RHBDL3: variants seen among roughly 807,000 people sequenced by gnomAD.
The protein encoded by RHBDL3 is rhomboid-related protein 3.
A neutral mutation model predicts 48.2 loss-of-function variants in RHBDL3; 28 were observed. That is an observed-to-expected ratio of 0.58 (90% CI 0.43 to 0.80). The LOEUF is 0.80. RHBDL3 is among the 30% of genes least tolerant of loss of function. The pLI, the probability that RHBDL3 is intolerant of heterozygous loss-of-function variation, is 0.00. For synonymous variants in RHBDL3, 208 were observed against 232.3 expected (o/e 0.90, Z 0.95); for missense variants, 464 against 542.7 (o/e 0.85, Z 1.44).
intron 5 of RHBDL3, among the ~76,000 whole-genome samples, chr17:32,295,520 G>T (rs557330998): frequency 5.4e-4 from 83 of 152,354 alleles, no homozygotes; most frequent in African/African-American, 1.9e-3. Context: ...TGAGCCAGGG[G>T]TGACAACAGA....
Position 32,284,766 on chromosome 17 carries a change from T to C in RHBDL3, c.243T>C (p.Leu81=). The part of the protein sequence containing the change: ...DPHKREVLLA[L]ADSHADGQIG... Reference sequence around the variant, plus strand: ...ACAAAAGGGAGGTCCTCCTGGCTCTTGCCGACAGCCACGCGGATGGGCAGA... The same window carrying C: ...ACAAAAGGGAGGTCCTCCTGGCTCTCGCCGACAGCCACGCGGATGGGCAGA... The change falls in exon 3 of 9, where the codon CTT becomes CTC. Residue 81 remains leucine, a synonymous_variant. Transcript: ENST00000269051. 4.5e-5 allele frequency: 73 copies of C among 1,614,098 alleles called. No homozygotes were observed. The highest frequency in any genetic ancestry group is 6.2e-5 in the Non-Finnish European group (73 of 1,180,018).
rs557962433 is a variant in RHBDL3 at position 32,320,991 on chromosome 17, G to A, written c.977G>A (p.Arg326His). ...GAGTTTGGGCGGGCCGTGTGGCTCC[G>A]CTTCCACCCGTCGGCCTATCCCCCG... Reference protein sequence around the residue: ...SMEFGRAVWLRFHPSAYPPCP... With the variant: ...SMEFGRAVWLHFHPSAYPPCP... The change falls in exon 9 of 9, where the codon CGC (arginine) becomes CAC (histidine). Residue 326 changes from arginine to histidine, a missense_variant. Physicochemically the swap from Arg to His is conservative, Grantham distance 29. Coordinates refer to ENST00000269051, the MANE Select transcript of RHBDL3 (RefSeq NM_138328.3). 17 of 1,613,530 alleles carry A rather than the reference G, an allele frequency of 1.1e-5. No individual in the cohort carries two copies. The highest frequency in any genetic ancestry group is 9.3e-5 in the African/African-American group (7 of 75,046).
chr17:32,307,910 G>A (rs1001262674), intron 7 of RHBDL3, among the ~76,000 whole-genome samples: 1 of 151,930 alleles, frequency 6.6e-6, no homozygotes, highest in African/African-American at 2.4e-5. Context: ...TTCCGCCCAA[G>A]ACTTGTATGT....
At chr17:32,280,012 G>C (rs2040004917) in intron 2 of RHBDL3, among the ~76,000 whole-genome samples, 2 of 152,204 alleles carry the variant, frequency 1.3e-5, no homozygotes, top group Admixed American at 6.5e-5. Flanking sequence ...GCTGAGGCCA[G>C]CTGTGACCTA....
At chr17:32,296,775 T>TTTTTA (rs140902896) in intron 5 of RHBDL3, among the ~76,000 whole-genome samples, 4,529 of 141,150 alleles carry the variant, frequency 0.032, 147 homozygotes, top group East Asian at 0.13. Flanking sequence ...CCGTAGCTCT[T>TTTTTA]TTTTATTTTA....
In RHBDL3 at chr17:32,299,357, G is replaced by A. The variant is rs139682649; in HGVS notation, c.781+1153G>A. ...CACCATCTCCTTTGCTCCTGTATGC[G>A]CTGAGGTTAAAATCGTTGGCCACCT... On this transcript the variant is annotated intron_variant, in intron 6 of 8. Coordinates refer to ENST00000269051, the MANE Select transcript of RHBDL3 (RefSeq NM_138328.3). Among the ~76,000 whole-genome samples, 10 of 152,232 alleles carry A rather than the reference G, an allele frequency of 6.6e-5. No homozygotes were observed. In the East Asian group the frequency reaches 1.9e-3, roughly 29 times the overall value.
intron 8 of RHBDL3, among the ~76,000 whole-genome samples, chr17:32,319,080 G>T (rs2041043509): frequency 6.6e-6 from 1 of 151,184 alleles, no homozygotes; most frequent in Non-Finnish European, 1.5e-5. Context: ...CTCTGAGTTT[G>T]TTCGTTTTTG....
At chr17:32,289,960 C>T (rs1040269159) in intron 4 of RHBDL3, among the ~76,000 whole-genome samples, 2 of 152,232 alleles carry the variant, frequency 1.3e-5, no homozygotes, top group African/African-American at 2.4e-5. Context: ...GTTGTTATGG[C>T]TTCATCCAAG....
intron 6 of RHBDL3, among the ~76,000 whole-genome samples, chr17:32,300,618 A>G (rs1311410048): frequency 6.6e-6 from 1 of 152,174 alleles, no homozygotes; most frequent in East Asian, 1.9e-4. Flanking sequence ...TTACTCTCTA[A>G]TTCCTTCCCA....
At chr17:32,295,017 C>A (rs766346644) in intron 5 of RHBDL3, among the ~76,000 whole-genome samples, 2 of 152,172 alleles carry the variant, frequency 1.3e-5, no homozygotes, top group Non-Finnish European at 2.9e-5. Context: ...GGTCCATATC[C>A]CTTGAAGAGC....
intron 4 of RHBDL3, among the ~76,000 whole-genome samples, chr17:32,294,043 G>T (rs1567776354): frequency 1.3e-5 from 2 of 151,072 alleles, no homozygotes; most frequent in Non-Finnish European, 2.9e-5. Context: ...CAGGAGAATC[G>T]CTTGAACCCA....
At chr17:32,296,016 G>A (rs1224243568) in intron 5 of RHBDL3, among the ~76,000 whole-genome samples, 1 of 152,030 alleles carries the variant, frequency 6.6e-6, no homozygotes, top group Admixed American at 6.5e-5. Flanking sequence ...CACGAGGTCA[G>A]GAGATCAAGA....
At chr17:32,281,754 T>C (rs1401787060) in intron 2 of RHBDL3, among the ~76,000 whole-genome samples, 1 of 152,210 alleles carries the variant, frequency 6.6e-6, no homozygotes. Flanking sequence ...TGTCCGGGGC[T>C]GTTTCCTGAT....
At position 32,289,012 on chromosome 17, in the gene RHBDL3, T is replaced by C; in HGVS notation, c.515T>C (p.Leu172Pro). 1 of 1,613,908 alleles carries C rather than the reference T, an allele frequency of 6.2e-7. No individual in the cohort carries two copies. Among genetic ancestry groups the C allele is most frequent in the South Asian group, 1.1e-5 (1 of 91,076 alleles). ...TGGTTCATGATCACAGTCACGCTGC[T>C]GGAGGCAAGGACAAGGGTGGGGAGG... The part of the protein sequence containing the change: ...PPWFMITVTL[L>P]EVAFFLYNGV... The change falls in exon 4 of 9, where the codon CTG becomes CCG. Residue 172 changes from leucine to proline, a missense_variant. Transcript: ENST00000269051.
intron 2 of RHBDL3, 147 bp downstream of exon 2, chr17:32,268,072 C>CT (rs1567758511): frequency 1.4e-6 from 1 of 730,560 alleles, no homozygotes; most frequent in East Asian, 2.5e-5. Context: ...TAGGGCTGAA[C>CT]GACACTGCTC....
intron 8 of RHBDL3, among the ~76,000 whole-genome samples, chr17:32,318,393 T>C: frequency 1.1e-5 from 1 of 87,192 alleles, no homozygotes; most frequent in Non-Finnish European, 2.4e-5. Context: ...TCCCAGCACT[T>C]TGAGAGGCCA....
Position 32,298,166 on chromosome 17 carries a change from C to T in RHBDL3, c.743C>T (p.Thr248Ile). 3 of 1,614,020 alleles carry T rather than the reference C, an allele frequency of 1.9e-6. No homozygotes were observed. The highest frequency in any genetic ancestry group is 1.3e-5 in the African/African-American group (1 of 75,048). Residue 248 changes from threonine (T) to isoleucine (I), a missense_variant, in exon 6 of 9, where the codon ACC (threonine) becomes ATC (isoleucine). By Grantham distance (89) the Thr-to-Ile change is moderately conservative. Coordinates refer to ENST00000269051, the MANE Select transcript of RHBDL3 (RefSeq NM_138328.3). ...GVPLEMVHGA[T>I]RIGLVYVAGV... ...CCCCTGGAGATGGTGCATGGAGCCA[C>T]CCGAATTGGGCTTGTCTACGTGGCC...
intron 6 of RHBDL3, among the ~76,000 whole-genome samples, chr17:32,299,201 T>TA (rs1269383121): frequency 2.0e-5 from 3 of 152,148 alleles, no homozygotes; most frequent in Non-Finnish European, 4.4e-5. Context: ...GTCAGCCTTG[T>TA]AAACAACAGG....
intron 4 of RHBDL3, among the ~76,000 whole-genome samples, chr17:32,291,003 GA>G (rs35673676): frequency 1.7e-3 from 172 of 102,896 alleles, no homozygotes; most frequent in Non-Finnish European, 1.7e-3. Context: ...CCTGTCTCAA[GA>G]AAAAAAAAAA....
Sources: allele counts gnomAD v4.1 joint callset (sites outside exome capture counted in the v4.1 genomes callset), GRCh38; gene constraint gnomAD v4.1.1; transcripts MANE v1.5; gene names NCBI Gene and HGNC (gene_info 2026-07-23, HGNC 2026-07-21).